ASTN2: variants seen among roughly 807,000 people sequenced by gnomAD.
The protein encoded by ASTN2 is astrotactin 2.
Under a neutral mutation model 139.8 loss-of-function variants are expected in ASTN2, and 54 were observed. The observed-to-expected ratio is 0.39, with a 90% CI of 0.31 to 0.48. The LOEUF is 0.48. Ranked by LOEUF, ASTN2 falls within the 20% of genes least tolerant of loss-of-function variation. The probability of loss-of-function intolerance (pLI) is 0.95; values close to 1 mark genes in which losing one functional copy is unlikely to be tolerated. For missense variants in ASTN2, 1,565 were observed against 1,725.1 expected (o/e 0.91, Z 1.64); for synonymous variants, 756 against 719.5 (o/e 1.05, Z -0.81).
At chr9:116,880,123 A>G (rs1247656443) in intron 10 of ASTN2, among the ~76,000 whole-genome samples, 1 of 152,266 alleles carries the variant, frequency 6.6e-6, no homozygotes, top group Admixed American at 6.5e-5. Flanking sequence ...CAAATGCAAT[A>G]TGATATAAAA....
intron 10 of ASTN2, among the ~76,000 whole-genome samples, chr9:116,886,885 G>A (rs1833612747): frequency 1.3e-5 from 2 of 152,078 alleles, no homozygotes; most frequent in Admixed American, 6.6e-5. Flanking sequence ...TGGTTTAAGA[G>A]TTAAATATTA....
rs1316546364 is a variant in ASTN2, at chr9:116,944,857, G to A, written c.1889+30351C>T. Among the ~76,000 whole-genome samples, 7 of 152,100 alleles carry A rather than the reference G, an allele frequency of 4.6e-5. No homozygotes were observed. In the East Asian group the frequency reaches 1.3e-3, roughly 29 times the overall value. On this transcript the variant is annotated intron_variant, in intron 10 of 22. Transcript: ENST00000313400. ...CTGGATTACATCAGATTGAGGTACT[G>A]TATCAGTTAGGATGTGTTTGGCCTA...
Position 117,003,953 on chromosome 9 carries a change from CGTGTGT to C in ASTN2, c.1591+4133_1591+4138del, listed in dbSNP as rs3038371. On this transcript the variant is annotated intron_variant, in intron 7 of 22. Transcript: ENST00000313400. ...TGTGTTTCTTTCACGCGCGCGCGCG[CGTGTGT>C]GTGTGTGTGTGTGTGTGTTTTGCGT... 1.4e-3 allele frequency among the ~76,000 whole-genome samples: 209 copies of C among 146,272 alleles called. 3 individuals are homozygous for C. Among genetic ancestry groups the C allele is most frequent in the African/African-American group, 4.5e-3 (174 of 38,290 alleles).
intron 1 of ASTN2, among the ~76,000 whole-genome samples, chr9:117,301,705 C>T (rs1019926501): frequency 3.3e-5 from 5 of 152,144 alleles, no homozygotes; most frequent in Admixed American, 6.5e-5. Flanking sequence ...AGGTGCTCTG[C>T]CTATCCATTT....
intron 11 of ASTN2, among the ~76,000 whole-genome samples, chr9:116,840,875 A>T (rs895920590): frequency 2.2e-4 from 32 of 148,614 alleles, no homozygotes; most frequent in African/African-American, 7.8e-4. Flanking sequence ...CCGGGTAGAG[A>T]CGCTCCTCAC....
At chr9:117,143,238 C>T (rs1048954718) in intron 3 of ASTN2, among the ~76,000 whole-genome samples, 3 of 152,216 alleles carry the variant, frequency 2.0e-5, no homozygotes, top group African/African-American at 4.8e-5. Flanking sequence ...TGCTATCTCT[C>T]TCCACAGATA....
intron 10 of ASTN2, among the ~76,000 whole-genome samples, chr9:116,889,007 G>A (rs563170631): frequency 2.0e-5 from 3 of 152,184 alleles, no homozygotes; most frequent in African/African-American, 4.8e-5. Context: ...CTCCATCCAC[G>A]TCCCTGAAAA....
chr9:116,605,178 A>C (rs1855125776), intron 19 of ASTN2, among the ~76,000 whole-genome samples: 1 of 152,152 alleles, frequency 6.6e-6, no homozygotes, highest in Non-Finnish European at 1.5e-5. Flanking sequence ...ACAAGAGTTG[A>C]GAGTTGGCAG....
intron 13 of ASTN2, among the ~76,000 whole-genome samples, chr9:116,741,745 T>C (rs1416516775): frequency 6.6e-6 from 1 of 152,168 alleles, no homozygotes; most frequent in Non-Finnish European, 1.5e-5. Context: ...CGGAGACATC[T>C]ATAGGGTCTG....
At chr9:117,073,145 A>G (rs1422899165) in intron 5 of ASTN2, among the ~76,000 whole-genome samples, 1 of 152,120 alleles carries the variant, frequency 6.6e-6, no homozygotes, top group African/African-American at 2.4e-5. Context: ...AGGGTTAGAT[A>G]ACTGGTTAGT....
chr9:117,008,059 C>A, intron 7 of ASTN2, 33 bp downstream of exon 7: 1 of 1,527,680 alleles, frequency 6.5e-7, no homozygotes, highest in South Asian at 1.3e-5. Context: ...GCCTCTCCCA[C>A]CTTCTATCCC....
intron 1 of ASTN2, among the ~76,000 whole-genome samples, chr9:117,363,787 C>T (rs1354001110): frequency 6.6e-6 from 1 of 152,144 alleles, no homozygotes; most frequent in Non-Finnish European, 1.5e-5. Context: ...TAAGTTGAAC[C>T]TTGGCATTAA....
At position 117,118,248 on chromosome 9, in the gene ASTN2, C is replaced by G. The variant is rs150482609; in HGVS notation, c.1169-22097G>C. ...GATGAGAGGACATCACATGGTTAAG[C>G]CAGAGTTCTTTTTTGCCCTTCCTAA... is the stretch of plus-strand genomic sequence containing the variant. On this transcript the variant is annotated intron_variant, in intron 4 of 22. Transcript: ENST00000313400. 3.4e-3 allele frequency among the ~76,000 whole-genome samples: 522 copies of G among 152,190 alleles called. 3 individuals are homozygous for G. The highest frequency in any genetic ancestry group is 0.019 in the South Asian group (92 of 4,810).
At chr9:117,143,272 A>T (rs1196206249) in intron 3 of ASTN2, among the ~76,000 whole-genome samples, 1 of 152,130 alleles carries the variant, frequency 6.6e-6, no homozygotes, top group African/African-American at 2.4e-5. Flanking sequence ...TACTTGAAGA[A>T]ACCAAGAAGA....
At chr9:116,913,149 C>T (rs1206864049) in intron 10 of ASTN2, among the ~76,000 whole-genome samples, 1 of 152,160 alleles carries the variant, frequency 6.6e-6, no homozygotes, top group African/African-American at 2.4e-5. Context: ...AGTGATCCAC[C>T]CACTTCAGCC....
chr9:117,012,452 A>T (rs1210147743), intron 6 of ASTN2, among the ~76,000 whole-genome samples: 2 of 152,216 alleles, frequency 1.3e-5, no homozygotes, highest in Admixed American at 6.5e-5. Context: ...AACGTTGATT[A>T]AACTCCTTCC....
chr9:116,736,724 T>C (rs764295602), intron 13 of ASTN2, among the ~76,000 whole-genome samples: 1 of 152,220 alleles, frequency 6.6e-6, no homozygotes, highest in Non-Finnish European at 1.5e-5. Context: ...TGGATGCATT[T>C]GGGAAATGAA....
intron 7 of ASTN2, among the ~76,000 whole-genome samples, chr9:116,978,470 ATCTCTC>A (rs147901303): frequency 2.8e-5 from 4 of 141,770 alleles, no homozygotes; most frequent in African/African-American, 7.9e-5. Flanking sequence ...CTCTGTATGT[ATCTCTC>A]TCTCTCTCTC....
At chr9:117,025,709 G>A (rs1838048714) in intron 6 of ASTN2, among the ~76,000 whole-genome samples, 1 of 152,044 alleles carries the variant, frequency 6.6e-6, no homozygotes, top group African/African-American at 2.4e-5. Flanking sequence ...TTACTCGCAG[G>A]ACACAGTGAC....
Sources: allele counts gnomAD v4.1 joint callset (sites outside exome capture counted in the v4.1 genomes callset), GRCh38; gene constraint gnomAD v4.1.1; transcripts MANE v1.5; gene names NCBI Gene and HGNC (gene_info 2026-07-23, HGNC 2026-07-21).